Variants in ERC2 observed in about 807,000 individuals in gnomAD.
ERC2 encodes ELKS/RAB6-interacting/CAST family member 2.
ERC2 carries 42 observed loss-of-function variants against 114.8 expected under a neutral mutation model. The observed-to-expected ratio is 0.37, with a 90% confidence interval of 0.29 to 0.47. ERC2 has a LOEUF of 0.47. ERC2 is among the 20% of genes least tolerant of loss of function. ERC2 has a pLI of 0.99. For missense variants in ERC2, 939 were observed against 1,150.7 expected, an observed-to-expected ratio of 0.82 and a Z score of 2.66; for synonymous variants, 454 against 425.5, an observed-to-expected ratio of 1.07 and a Z score of -0.82.
At chr3:55,524,500 GTTTTTTT>G (rs34258011) in intron 17 of ERC2, among the ~76,000 whole-genome samples, 1 of 120,852 alleles carries the variant, frequency 8.3e-6, no homozygotes, top group African/African-American at 3.2e-5. Flanking sequence ...AGCTCCAGTG[GTTTTTTT>G]TTTTTTTTTT....
chr3:56,212,741 T>C (rs2049149551), intron 3 of ERC2, among the ~76,000 whole-genome samples: 1 of 148,792 alleles, frequency 6.7e-6, no homozygotes, highest in Non-Finnish European at 1.5e-5. Flanking sequence ...GAAAATATGA[T>C]ATATATATGT....
intron 17 of ERC2, chr3:55,607,045 A>T (rs2058669294): frequency 6.6e-6 from 1 of 152,554 alleles, no homozygotes; most frequent in African/African-American, 2.4e-5. Context: ...CCAGGACAGC[A>T]CATACCACAG....
At chr3:55,625,770 G>C (rs913939863) in intron 17 of ERC2, among the ~76,000 whole-genome samples, 25 of 152,178 alleles carry the variant, frequency 1.6e-4, no homozygotes, top group Admixed American at 1.5e-3. Flanking sequence ...AAAAAGAAGA[G>C]GGAGGAAAAA....
At chr3:56,257,703 A>C (rs1161479526) in intron 3 of ERC2, among the ~76,000 whole-genome samples, 2 of 152,244 alleles carry the variant, frequency 1.3e-5, no homozygotes, top group African/African-American at 2.4e-5. Context: ...AGTCAACTCC[A>C]GTCATATTTT....
At chr3:56,444,003 C>T (rs2062443879) in intron 1 of ERC2, among the ~76,000 whole-genome samples, 1 of 124,338 alleles carries the variant, frequency 8.0e-6, no homozygotes, top group Non-Finnish European at 1.6e-5. Context: ...CACTGTGTCG[C>T]CCAGGCTGGA....
intron 17 of ERC2, among the ~76,000 whole-genome samples, chr3:55,603,331 C>T (rs1444219440): frequency 6.6e-6 from 1 of 152,104 alleles, no homozygotes; most frequent in Non-Finnish European, 1.5e-5. Flanking sequence ...TCCAGAAGTC[C>T]TAAATTTTTA....
chr3:56,035,267 T>C (rs2074716576), intron 7 of ERC2, among the ~76,000 whole-genome samples: 2 of 151,972 alleles, frequency 1.3e-5, no homozygotes, highest in South Asian at 4.2e-4. Flanking sequence ...CTACCAAGAC[T>C]AAAATATAAA....
intron 6 of ERC2, among the ~76,000 whole-genome samples, chr3:56,113,608 T>C (rs1453178988): frequency 6.6e-6 from 1 of 152,228 alleles, no homozygotes; most frequent in Non-Finnish European, 1.5e-5. Context: ...GGTTTTCACA[T>C]GAAGCAAGTC....
intron 17 of ERC2, among the ~76,000 whole-genome samples, chr3:55,591,399 T>C (rs555252204): frequency 6.6e-6 from 1 of 152,182 alleles, no homozygotes; most frequent in African/African-American, 2.4e-5. Flanking sequence ...TCCTTGGACA[T>C]TATGGGTGGA....
In ERC2 at chr3:55,968,980, G is replaced by A. The variant is rs569757886; in HGVS notation, c.2267+16997C>T. Among the ~76,000 whole-genome samples the A allele has an allele frequency of 5.9e-5, 9 of 152,238 alleles. No homozygotes were observed. The East Asian group carries it at 9.7e-4, about 16-fold the overall frequency. ...CTCGGAATCCAGGCAGCCACTGAGAGGTGAGGGTGAGATAAATCCTTGCTT... is the reference window on the plus strand; with the variant it reads ...CTCGGAATCCAGGCAGCCACTGAGAAGTGAGGGTGAGATAAATCCTTGCTT... On this transcript the variant is annotated intron_variant, in intron 12 of 17. Coordinates refer to ENST00000288221, the MANE Select transcript of ERC2 (RefSeq NM_015576.3).
intron 15 of ERC2, among the ~76,000 whole-genome samples, chr3:55,732,355 CA>C (rs1443496103): frequency 6.6e-6 from 1 of 152,122 alleles, no homozygotes; most frequent in Non-Finnish European, 1.5e-5. Context: ...GGAAGGATAT[CA>C]GACCTAAATC....
At chr3:56,175,680 C>T (rs1360340800) in intron 3 of ERC2, among the ~76,000 whole-genome samples, 1 of 152,122 alleles carries the variant, frequency 6.6e-6, no homozygotes, top group Non-Finnish European at 1.5e-5. Flanking sequence ...TATCAAGTTA[C>T]CCAAGTGGCA....
intron 2 of ERC2, among the ~76,000 whole-genome samples, chr3:56,299,114 TTTTTGTTTTTTTTTTTGTTTGTTTG>T (rs1277523501): frequency 2.2e-4 from 30 of 136,456 alleles, no homozygotes; most frequent in African/African-American, 7.5e-4. Flanking sequence ...TTGTTTTTTT[TTTTTGTTTTTTTTTTTGTTTGTTTG>T]TTTTTTGAGA....
chr3:56,059,271 A>G (rs1206426953), intron 7 of ERC2, among the ~76,000 whole-genome samples: 2 of 151,896 alleles, frequency 1.3e-5, no homozygotes, highest in Admixed American at 6.6e-5. Flanking sequence ...TTGTATTTTT[A>G]GTAGAGACGG....
At chr3:55,550,524 A>G (rs1328405097) in intron 17 of ERC2, among the ~76,000 whole-genome samples, 3 of 152,218 alleles carry the variant, frequency 2.0e-5, no homozygotes, top group Non-Finnish European at 4.4e-5. Flanking sequence ...TCCACACCCA[A>G]TGAGATATTA....
chr3:55,685,818 C>T (rs954005640), intron 16 of ERC2, among the ~76,000 whole-genome samples: 1 of 152,180 alleles, frequency 6.6e-6, no homozygotes, highest in Admixed American at 6.5e-5. Context: ...CGGCCACTGC[C>T]GACTTCTTCC....
At chr3:55,566,141 C>T (rs2056358266) in intron 17 of ERC2, among the ~76,000 whole-genome samples, 1 of 152,158 alleles carries the variant, frequency 6.6e-6, no homozygotes, top group Admixed American at 6.5e-5. Flanking sequence ...TCTACTTGGT[C>T]CTAACAGTGT....
At chr3:55,840,364 A>G (rs1575797463) in intron 14 of ERC2, among the ~76,000 whole-genome samples, 1 of 152,016 alleles carries the variant, frequency 6.6e-6, no homozygotes, top group African/African-American at 2.4e-5. Context: ...ACAATTAGGC[A>G]CATGAAAAAA....
intron 3 of ERC2, among the ~76,000 whole-genome samples, chr3:56,199,530 CAG>C (rs556322292): frequency 3.5e-4 from 53 of 152,052 alleles, no homozygotes; most frequent in African/African-American, 1.2e-3. Context: ...CCCCTAGAGA[CAG>C]AGTGTTGTTC....
Sources: allele counts gnomAD v4.1 joint callset (sites outside exome capture counted in the v4.1 genomes callset), GRCh38; gene constraint gnomAD v4.1.1; transcripts MANE v1.5; gene names NCBI Gene and HGNC (gene_info 2026-07-23, HGNC 2026-07-21).